ERV3-1: variants seen among roughly 807,000 people sequenced by gnomAD.
ERV3-1 encodes the protein endogenous retrovirus group 3 member 1, envelope.
Under a neutral mutation model 24.6 loss-of-function variants are expected in ERV3-1, and 36 were observed. That is an observed-to-expected ratio of 1.47 (90% confidence interval 1.12 to 1.94). The LOEUF is 1.94. Ranked by LOEUF, ERV3-1 falls within the 30% of genes most tolerant of loss-of-function variation. The pLI is 0.00. For synonymous variants in ERV3-1, 211 were observed against 122.6 expected, an observed-to-expected ratio of 1.72 and a Z score of -4.76; for missense variants, 578 against 330.9, an observed-to-expected ratio of 1.75 and a Z score of -5.79.
In ERV3-1 at chr7:64,992,226, C is replaced by T. The variant is rs1786287597; in HGVS notation, c.801G>A (p.Glu267=). ...FYEHVNQKLP[E]PPPLASNLFA... ...ATAAATTACTGGCCAAGGGAGGGGG[C>T]TCAGGCAATTTCTGGTTAACATGCT... The change falls in exon 2 of 2, where the codon GAG becomes GAA. Residue 267 remains glutamate, a synonymous_variant. Coordinates refer to ENST00000394323, the MANE Select transcript of ERV3-1 (RefSeq NM_001007253.4). The T allele has an allele frequency of 1.3e-6, 1 of 766,142 alleles. No homozygotes were observed. The highest frequency in any genetic ancestry group is 1.7e-5 in the African/African-American group (1 of 59,064). 47.5% of individuals were successfully genotyped at this position (766,142 alleles called of 1,614,324 possible).
chr7:64,992,452 C>T lies in ERV3-1; in HGVS notation c.575G>A (p.Cys192Tyr), dbSNP rs34639489. 0.55 allele frequency: 418,100 copies of T among 766,020 alleles called. 117,416 individuals carry two copies. The highest frequency in any genetic ancestry group is 0.65 in the Admixed American group (38,651 of 59,012). 47.5% of individuals were successfully genotyped at this position (766,020 alleles called of 1,614,324 possible). Residue 192 changes from cysteine (C) to tyrosine (Y), a missense_variant, in exon 2 of 2, where the codon TGT becomes TAT. Cys to Tyr is a radical substitution (Grantham distance 194). Coordinates refer to ENST00000394323, the MANE Select transcript of ERV3-1 (RefSeq NM_001007253.4). ...MLTKIPLEPD[C>Y]KTSTCNSVNL... ...TACAGAATTGCAAGTGCTTGTTTTA[C>T]AATCTGGTTCTAATGGTATTTTGGT...
chr7:65,006,558 TG>T lies in ERV3-1; in HGVS notation c.-407del, dbSNP rs1330766050. 1.9e-6 allele frequency: 3 copies of T among 1,576,438 alleles called. No homozygotes were observed. The highest frequency in any genetic ancestry group is 1.7e-5 in the Admixed American group (1 of 59,664). ...ACTCTCACCATTTCTAGGCTTCCAG[TG>T]GGTCCTGGCGTCTTAGCTGTGGATC... On this transcript the variant is annotated 5_prime_UTR_variant, in exon 1 of 2. Coordinates refer to ENST00000394323, the MANE Select transcript of ERV3-1 (RefSeq NM_001007253.4).
At position 64,997,082 on chromosome 7, in the gene ERV3-1, T is replaced by C. The variant is rs143994240; in HGVS notation, c.-388-3668A>G. ...CCTCTTTTTGCATTGCGCACATTGA[T>C]TCCTACATAGTCTTGGTTGACTTTC... On this transcript the variant is annotated intron_variant, in intron 1 of 1. Coordinates refer to ENST00000394323, the MANE Select transcript of ERV3-1 (RefSeq NM_001007253.4). Among the ~76,000 whole-genome samples the C allele has an allele frequency of 9.8e-5, 15 of 152,370 alleles. 1 individual carries two copies. In the East Asian group the frequency reaches 2.5e-3, roughly 25 times the overall value.
intron 1 of ERV3-1, among the ~76,000 whole-genome samples, chr7:65,005,657 CAG>C (rs1786629993): frequency 6.6e-6 from 1 of 152,202 alleles, no homozygotes; most frequent in South Asian, 2.1e-4. Flanking sequence ...TACTGCAAGC[CAG>C]AGTTAGGCTG....
At chr7:64,997,042 A>C (rs1408068422) in intron 1 of ERV3-1, among the ~76,000 whole-genome samples, 1 of 152,044 alleles carries the variant, frequency 6.6e-6, no homozygotes, top group East Asian at 1.9e-4. Flanking sequence ...CTGGACATTC[A>C]CCTTTCCAGT....
In ERV3-1 at chr7:64,991,845, A is replaced by G. The variant is rs1358709773; in HGVS notation, c.1182T>C (p.Arg394=). 1 of 766,326 alleles carries G rather than the reference A, an allele frequency of 1.3e-6. No individual in the cohort carries two copies. Among genetic ancestry groups the G allele is most frequent in the Non-Finnish European group, 2.4e-6 (1 of 417,906 alleles). The allele number at this position is 766,326 out of a possible 1,614,324, so 47.5% of individuals were successfully genotyped here. ...SESPHPSPFS[R]FPSLNHSWYQ... ...ACCAAGAATGGTTTAAAGATGGGAA[A>G]CGAGAGAATGGGCTTGGGTGTGGTG... The change falls in exon 2 of 2, where the codon CGT becomes CGC. Residue 394 remains arginine, a synonymous_variant. Transcript: ENST00000394323.
chr7:65,006,508 CCT>C (rs1786654248), intron 1 of ERV3-1, 31 bp downstream of exon 1: 2 of 1,571,340 alleles, frequency 1.3e-6, no homozygotes, highest in Non-Finnish European at 1.8e-6. Context: ...AGCCCCGCCC[CCT>C]CTCTCGGGAT....
At chr7:64,997,969 C>T (rs530364993) in intron 1 of ERV3-1, among the ~76,000 whole-genome samples, 2 of 152,146 alleles carry the variant, frequency 1.3e-5, no homozygotes, top group Non-Finnish European at 2.9e-5. Flanking sequence ...GGGGCATCTG[C>T]CACACTCTGG....
chr7:64,996,951 T>C (rs1786417560), intron 1 of ERV3-1, among the ~76,000 whole-genome samples: 1 of 152,232 alleles, frequency 6.6e-6, no homozygotes, highest in Non-Finnish European at 1.5e-5. Flanking sequence ...ATCAAGTAGG[T>C]ATCTGACTCC....
rs769635361 is a variant in ERV3-1, at chr7:64,992,356, A to G, written c.671T>C (p.Val224Ala). The G allele has an allele frequency of 3.9e-6, 3 of 766,216 alleles. No individual in the cohort carries two copies. In the South Asian group the frequency reaches 4.0e-5, roughly 10 times the overall value. 47.5% of individuals were successfully genotyped at this position (766,216 alleles called of 1,614,324 possible). The change falls in exon 2 of 2, where the codon GTC becomes GCC. Residue 224 changes from valine to alanine, a missense_variant. Val to Ala is a moderately conservative substitution (Grantham distance 64). Coordinates refer to ENST00000394323, the MANE Select transcript of ERV3-1 (RefSeq NM_001007253.4). ...TGLKAPLGARVSGEEIGPGAY... is the reference protein window; with the variant it reads ...TGLKAPLGARASGEEIGPGAY... ...TCCTGGGCCAATTTCTTCACCGCTG[A>G]CTCGTGCCCCTAGCGGTGCTTTTAA...
In ERV3-1 at chr7:64,993,122, A is replaced by C. The variant is rs1786321452; in HGVS notation, c.-96T>G. 3.3e-6 allele frequency: 2 copies of C among 611,736 alleles called. No individual in the cohort carries two copies. The highest frequency in any genetic ancestry group is 3.7e-5 in the African/African-American group (2 of 54,388). The allele number at this position is 611,736 out of a possible 1,614,324, so 37.9% of individuals were successfully genotyped here. A position where few individuals can be genotyped will look rare whatever the true frequency, so the allele number is the denominator to read the frequency against. ...ATGACAAGGAAAATTACTGGACTTC[A>C]GATTTCTAACCACATTTACTTCCCT... On this transcript the variant is annotated 5_prime_UTR_variant, in exon 2 of 2. It removes the in-frame stop codon of an upstream open reading frame in the 5' UTR. Coordinates refer to ENST00000394323, the MANE Select transcript of ERV3-1 (RefSeq NM_001007253.4).
rs554199635 is a variant in ERV3-1 at position 65,003,729 on chromosome 7, A to G, written c.-389+2812T>C. On this transcript the variant is annotated intron_variant, in intron 1 of 1. Transcript: ENST00000394323. ...TATTCCTTTAAGACAATATGTTATT[A>G]TTTCCATTAAAAATCATGTAGTAAA... The G allele has an allele frequency of 1.1e-4, 16 of 152,338 alleles. 1 individual carries two copies. The highest frequency in any genetic ancestry group is 1.0e-3 in the Admixed American group (16 of 15,300). 9.4% of individuals were successfully genotyped at this position (152,338 alleles called of 1,614,324 possible). A position where few individuals can be genotyped will look rare whatever the true frequency, so the allele number is the denominator to read the frequency against.
intron 1 of ERV3-1, chr7:65,004,597 TAC>T (rs1279839240): frequency 6.6e-6 from 1 of 152,190 alleles, no homozygotes; most frequent in African/African-American, 2.4e-5. Context: ...AAATGCAAGT[TAC>T]AGTTAAAAAA....
At chr7:64,995,738 G>C (rs1786393592) in intron 1 of ERV3-1, among the ~76,000 whole-genome samples, 1 of 152,110 alleles carries the variant, frequency 6.6e-6, no homozygotes, top group Admixed American at 6.5e-5. Context: ...CCTTCTTTTT[G>C]GATACTCTAT....
intron 1 of ERV3-1, among the ~76,000 whole-genome samples, chr7:65,001,336 T>C (rs552440773): frequency 2.0e-4 from 31 of 152,212 alleles, no homozygotes; most frequent in African/African-American, 6.7e-4. Context: ...GAATCCTAGA[T>C]TGGTGGAGAG....
In ERV3-1 at chr7:64,991,721, C is replaced by T. The variant is rs866841131; in HGVS notation, c.1306G>A (p.Ala436Thr). 3.9e-6 allele frequency: 3 copies of T among 763,034 alleles called. No individual in the cohort carries two copies. The highest frequency in any genetic ancestry group is 7.2e-6 in the Non-Finnish European group (3 of 416,502). 47.3% of individuals were successfully genotyped at this position (763,034 alleles called of 1,614,324 possible). The change falls in exon 2 of 2, where the codon GCC becomes ACC. Residue 436 changes from alanine (A) to threonine (T), a missense_variant. Transcript: ENST00000394323. ...YRQLPAKWSG[A>T]CVLGTIRPSF... ...GGCCTAATTGTCCCCAGTACACAGG[C>T]CCCTGACCATTTAGCTGGCAGTTGT...
Position 64,992,927 on chromosome 7 carries a change from T to G in ERV3-1, c.100A>C (p.Thr34Pro), listed in dbSNP as rs771603877. 5 of 766,222 alleles carry G rather than the reference T, an allele frequency of 6.5e-6. No homozygotes were observed. Among genetic ancestry groups the G allele is most frequent in the Non-Finnish European group, 1.2e-5 (5 of 417,894 alleles). 47.5% of individuals were successfully genotyped at this position (766,222 alleles called of 1,614,324 possible). A position where few individuals can be genotyped will look rare whatever the true frequency, so the allele number is the denominator to read the frequency against. The change falls in exon 2 of 2, where the codon ACT becomes CCT. Residue 34 changes from threonine (T) to proline (P), a missense_variant. Coordinates refer to ENST00000394323, the MANE Select transcript of ERV3-1 (RefSeq NM_001007253.4). ...GTCATGATGTTCCCCGACCACGTAG[T>G]GTGGGTGCAGTGGAGGCATCCCTCC... ...PWEGCLHCTH[T>P]TWSGNIMTKT...
At chr7:65,003,931 C>T (rs1786578067) in intron 1 of ERV3-1, 1 of 152,154 alleles carries the variant, frequency 6.6e-6, no homozygotes, top group Non-Finnish European at 1.5e-5. Flanking sequence ...TTATCTACCA[C>T]ATTTTCTTAT....
chr7:65,002,528 A>C (rs1303267348), intron 1 of ERV3-1, among the ~76,000 whole-genome samples: 1 of 152,092 alleles, frequency 6.6e-6, no homozygotes, highest in Admixed American at 6.5e-5. Context: ...GGGTTTCGTC[A>C]TGTTGGCCAG....
Sources: gnomAD v4.1 joint callset for allele counts (sites outside exome capture counted in the v4.1 genomes callset) on GRCh38, gnomAD v4.1.1 for gene constraint, MANE v1.5 for transcripts, NCBI Gene and HGNC (gene_info 2026-07-23, HGNC 2026-07-21) for gene names.